The following ZNF800 variants were observed in gnomAD, a reference collection of about 807,000 sequenced individuals.
ZNF800 encodes zinc finger protein 800.
In ZNF800, 13 loss-of-function variants were observed where a neutral mutation model predicts 59.5. The ratio of observed to expected loss-of-function variants is 0.22; its 90% CI spans 0.14 to 0.35. The LOEUF is 0.35. Ranked by LOEUF, ZNF800 falls within the 10% of genes least tolerant of loss-of-function variation. ZNF800 has a pLI of 1.00. For synonymous variants in ZNF800, 266 were observed against 265.7 expected (o/e 1.00, Z -0.01); for missense variants, 621 against 783.7 (o/e 0.79, Z 2.48).
chr7:127,367,906 C>A (rs1395841290), downstream of ZNF800, among the ~76,000 whole-genome samples: 1 of 152,080 alleles, frequency 6.6e-6, no homozygotes, highest in Non-Finnish European at 1.5e-5. Flanking sequence ...CAACTTTGGG[C>A]ATTTTCTCAA....
chr7:127,358,128 A>C (rs1219671111), intron 1 of ZNF800, among the ~76,000 whole-genome samples: 1 of 151,992 alleles, frequency 6.6e-6, no homozygotes, highest in East Asian at 1.9e-4. Flanking sequence ...CCAATTAGAT[A>C]TCCCTCTACC....
At chr7:127,344,820 A>G (rs970737338), downstream of ZNF800, among the ~76,000 whole-genome samples, 4 of 152,132 alleles carry the variant, frequency 2.6e-5, no homozygotes, top group African/African-American at 9.6e-5. Flanking sequence ...TAGACCCTTA[A>G]TCACACCTAT....
At chr7:127,353,846 C>CA (rs3993579) in intron 1 of ZNF800, among the ~76,000 whole-genome samples, 2 of 150,062 alleles carry the variant, frequency 1.3e-5, no homozygotes, top group African/African-American at 2.5e-5. Context: ...ATAAGCTGGC[C>CA]AAAAAAAAAA....
In ZNF800 at chr7:127,391,571, G is replaced by C. The variant is rs371776224; in HGVS notation, c.-14C>G. ...CCTTAAAGGCATTTTCAGTGGACTC[G>C]ACCTACTTTGCTTTCACTGTAAGAA... On this transcript the variant is annotated 5_prime_UTR_variant, in exon 2 of 6. Transcript: ENST00000265827. 9.3e-6 allele frequency: 15 copies of C among 1,613,442 alleles called. No individual in the cohort carries two copies. The South Asian group carries it at 1.6e-4, about 18-fold the overall frequency.
intron 1 of ZNF800, among the ~76,000 whole-genome samples, chr7:127,353,047 C>T (rs1317523335): frequency 1.6e-4 from 25 of 152,050 alleles, no homozygotes; most frequent in Admixed American, 1.6e-3. Flanking sequence ...TTTTTCCCCC[C>T]AATGGCACCG....
intron 5 of ZNF800, chr7:127,373,078 A>T: frequency 1.0e-6 from 1 of 985,450 alleles, no homozygotes; most frequent in Non-Finnish European, 1.2e-6. Flanking sequence ...AAAGGAAAGC[A>T]CTGACCCTGT....
chr7:127,389,149 T>C (rs115776063), intron 2 of ZNF800, among the ~76,000 whole-genome samples: 2,263 of 152,068 alleles, frequency 0.015, 63 homozygotes, highest in African/African-American at 0.052. Flanking sequence ...CTTACAAATA[T>C]TAGGGAGAGA....
chr7:127,390,961 C>T (rs973570933), intron 2 of ZNF800, among the ~76,000 whole-genome samples: 3 of 152,118 alleles, frequency 2.0e-5, no homozygotes, highest in Admixed American at 1.3e-4. Flanking sequence ...TCTTTTATTT[C>T]GCAATATAAT....
In ZNF800 at chr7:127,392,108, C is replaced by T; in HGVS notation, c.-107G>A. 1 of 392,994 alleles carries T rather than the reference C, an allele frequency of 2.5e-6. No individual in the cohort carries two copies. Among genetic ancestry groups the T allele is most frequent in the Non-Finnish European group, 4.5e-6 (1 of 222,598 alleles). The allele number at this position is 392,994 out of a possible 1,614,324, so 24.3% of individuals were successfully genotyped here. On this transcript the variant is annotated 5_prime_UTR_variant, in exon 1 of 6. Coordinates refer to ENST00000265827, the MANE Select transcript of ZNF800 (RefSeq NM_176814.5). ...GGCGGGCGGAAGGAAGGAAGGCAGG[C>T]CGGGCGGCCGCGGGGACAGCCTGGC...
At chr7:127,380,636 T>G (rs1333017789) in intron 3 of ZNF800, among the ~76,000 whole-genome samples, 3 of 152,346 alleles carry the variant, frequency 2.0e-5, no homozygotes, top group Admixed American at 2.0e-4. Flanking sequence ...CAACTCTAAG[T>G]GCCTCTGTCA....
At chr7:127,387,579 G>T (rs1801175738) in intron 2 of ZNF800, among the ~76,000 whole-genome samples, 1 of 152,114 alleles carries the variant, frequency 6.6e-6, no homozygotes, top group Non-Finnish European at 1.5e-5. Flanking sequence ...AGAGACACTT[G>T]GCCTGGTGCA....
At chr7:127,350,812 T>C (rs1222129786) in intron 1 of ZNF800, among the ~76,000 whole-genome samples, 1 of 152,024 alleles carries the variant, frequency 6.6e-6, no homozygotes, top group African/African-American at 2.4e-5. Flanking sequence ...CCTTTCCTCA[T>C]CAAGCAGGAA....
In ZNF800 at chr7:127,351,923, T is replaced by G. The variant is rs527675202; in HGVS notation, n.225-3880A>C. Reference sequence around the variant, plus strand: ...TGTATTCTGGAACTGAGCAGCAACTTCAAGATCATCTCTTCCAACAGATTC... The same window carrying G: ...TGTATTCTGGAACTGAGCAGCAACTGCAAGATCATCTCTTCCAACAGATTC... On this transcript the variant is annotated intron_variant and non_coding_transcript_variant, in intron 1 of 1. Coordinates refer to the ZNF800 transcript ENST00000485577. Among the ~76,000 whole-genome samples the G allele has an allele frequency of 2.6e-5, 4 of 152,312 alleles. No individual in the cohort carries two copies. In the South Asian group the frequency reaches 8.3e-4, roughly 32 times the overall value.
intron 1 of ZNF800, among the ~76,000 whole-genome samples, chr7:127,358,622 G>A (rs1017695229): frequency 1.3e-5 from 2 of 152,026 alleles, no homozygotes; most frequent in African/African-American, 4.8e-5. Flanking sequence ...GTGATTTCAT[G>A]TCTCTGTACC....
chr7:127,345,296 C>CA (rs397890500), downstream of ZNF800, among the ~76,000 whole-genome samples: 5 of 69,396 alleles, frequency 7.2e-5, no homozygotes, highest in South Asian at 4.4e-4. Flanking sequence ...GGGAAATAGA[C>CA]CCCCCCCCCA....
At chr7:127,347,488 C>T (rs1251685714) in exon 2 of ZNF800, 1 of 152,086 alleles carries the variant, frequency 6.6e-6, no homozygotes, top group Non-Finnish European at 1.5e-5. Flanking sequence ...TGACAAAACT[C>T]ACTAGGAATA....
chr7:127,356,361 G>A (rs1800271030), intron 1 of ZNF800, among the ~76,000 whole-genome samples: 1 of 151,924 alleles, frequency 6.6e-6, no homozygotes, highest in Non-Finnish European at 1.5e-5. Flanking sequence ...TTTCTAAAAT[G>A]TTGGCACAGG....
chr7:127,353,408 TG>T (rs111476429), intron 1 of ZNF800, among the ~76,000 whole-genome samples: 11,706 of 152,214 alleles, frequency 0.077, 575 homozygotes, highest in African/African-American at 0.13. Context: ...TGTTCAGGGT[TG>T]AGGATAACAC....
At chr7:127,386,225 G>T in intron 2 of ZNF800, 70 bp from the exon 3 acceptor site, 1 of 883,372 alleles carries the variant, frequency 1.1e-6, no homozygotes, top group Non-Finnish European at 1.8e-6. Context: ...TACTATTAAA[G>T]TAAAACAATG....
Sources: allele counts gnomAD v4.1 joint callset (sites outside exome capture counted in the v4.1 genomes callset), GRCh38; gene constraint gnomAD v4.1.1; transcripts MANE v1.5; gene names NCBI Gene and HGNC (gene_info 2026-07-23, HGNC 2026-07-21).